The following DAB1 variants were observed in gnomAD, a reference collection of about 807,000 sequenced individuals.
DAB1 encodes the protein DAB adaptor protein 1, also known as disabled homolog 1.
In DAB1, 15 loss-of-function variants were observed where a neutral mutation model predicts 64.6. The observed-to-expected ratio is 0.23, with a 90% CI of 0.16 to 0.36. DAB1 has a LOEUF of 0.36. Among genes scored for constraint, DAB1 ranks in the 10% least tolerant of loss-of-function variants. The pLI is 1.00. For synonymous variants in DAB1, 235 were observed against 251.9 expected (o/e 0.93, Z 0.64); for missense variants, 596 against 706.7 (o/e 0.84, Z 1.78).
At chr1:58,401,428 C>A (rs556571519) in intron 3 of DAB1, among the ~76,000 whole-genome samples, 90 of 152,270 alleles carry the variant, frequency 5.9e-4, no homozygotes, top group Non-Finnish European at 1.0e-3. Flanking sequence ...ATCTTTAAGA[C>A]CCACCCATCA....
rs1428167319 is a variant in DAB1 at position 58,339,421 on chromosome 1, CA to C, written n.309+3930del. Reference sequence around the variant, plus strand: ...GGCAGGGGGAAATGGAAGAAGCAACCAAAAATATAATAAATATTTTTCATAT... The same window carrying C: ...GGCAGGGGGAAATGGAAGAAGCAACCAAAATATAATAAATATTTTTCATAT... On this transcript the variant is annotated intron_variant and non_coding_transcript_variant, in intron 4 of 20. Transcript: ENST00000485760. 2.6e-5 allele frequency among the ~76,000 whole-genome samples: 4 copies of C among 151,930 alleles called. No individual in the cohort carries two copies. In the East Asian group the frequency reaches 7.7e-4, roughly 29 times the overall value.
At chr1:57,055,233 G>A (rs1176633982) in intron 9 of DAB1, among the ~76,000 whole-genome samples, 1 of 152,222 alleles carries the variant, frequency 6.6e-6, no homozygotes, top group East Asian at 1.9e-4. Context: ...TATATTTCTA[G>A]GAGTGGGTAG....
intron 3 of DAB1, among the ~76,000 whole-genome samples, chr1:58,398,649 A>G (rs368793766): frequency 3.7e-4 from 56 of 152,344 alleles, no homozygotes; most frequent in African/African-American, 1.2e-3. Context: ...GGTAACTGCA[A>G]TTTTGCAGGA....
intron 5 of DAB1, among the ~76,000 whole-genome samples, chr1:57,960,744 C>G (rs1645500053): frequency 6.6e-6 from 1 of 152,238 alleles, no homozygotes; most frequent in Non-Finnish European, 1.5e-5. Flanking sequence ...CTCTGCCTCT[C>G]AGTATGTGGA....
chr1:57,527,030 G>A (rs1006792166), intron 7 of DAB1, among the ~76,000 whole-genome samples: 2 of 152,046 alleles, frequency 1.3e-5, no homozygotes, highest in African/African-American at 4.8e-5. Context: ...AATTTTCTGG[G>A]TAAGAAATGA....
At chr1:57,073,513 C>G (rs1330756179) in intron 4 of DAB1, among the ~76,000 whole-genome samples, 1 of 152,108 alleles carries the variant, frequency 6.6e-6, no homozygotes, top group Non-Finnish European at 1.5e-5. Context: ...TGAAACAATC[C>G]TCATTCAACA....
At chr1:57,086,644 A>AACACACAC (rs368060919) in intron 4 of DAB1, among the ~76,000 whole-genome samples, 4,010 of 118,530 alleles carry the variant, frequency 0.034, 113 homozygotes, top group African/African-American at 0.05. Context: ...TTCTGTCTTA[A>AACACACAC]ACACACACAC....
chr1:57,000,238 G>T lies in DAB1; in HGVS notation c.*16-2110C>A, dbSNP rs1200152063. Among the ~76,000 whole-genome samples, 5 of 152,038 alleles carry T rather than the reference G, an allele frequency of 3.3e-5. No homozygotes were observed. The East Asian group carries it at 7.8e-4, about 24-fold the overall frequency. Reference sequence around the variant, plus strand: ...TTTTATATTTTTTAGTACAGACAGGGTTTCACTGTGTCAGCCAGGATGGTC... The same window carrying T: ...TTTTATATTTTTTAGTACAGACAGGTTTTCACTGTGTCAGCCAGGATGGTC... On this transcript the variant is annotated intron_variant, in intron 14 of 14. Transcript: ENST00000371236.
intron 1 of DAB1, among the ~76,000 whole-genome samples, chr1:57,312,818 T>C (rs1674839758): frequency 6.6e-6 from 1 of 152,110 alleles, no homozygotes. Context: ...GTGTGCAAAC[T>C]CCAGCACTAT....
chr1:58,347,668 T>C (rs1644014645), intron 3 of DAB1, among the ~76,000 whole-genome samples: 1 of 152,222 alleles, frequency 6.6e-6, no homozygotes, highest in Non-Finnish European at 1.5e-5. Flanking sequence ...TGCACTTCCC[T>C]GATTTACTCT....
At chr1:58,078,498 T>A (rs753458563) in intron 5 of DAB1, among the ~76,000 whole-genome samples, 2 of 152,074 alleles carry the variant, frequency 1.3e-5, no homozygotes, top group Non-Finnish European at 2.9e-5. Context: ...AGTTAAAGAG[T>A]TTTTTTACCT....
At chr1:57,158,275 T>C (rs1037817329) in intron 2 of DAB1, among the ~76,000 whole-genome samples, 2 of 152,158 alleles carry the variant, frequency 1.3e-5, no homozygotes, top group African/African-American at 2.4e-5. Flanking sequence ...AGCAAAGTTG[T>C]AGTGCATTGG....
At chr1:57,241,584 T>G (rs1474709165) in intron 2 of DAB1, among the ~76,000 whole-genome samples, 2 of 152,200 alleles carry the variant, frequency 1.3e-5, no homozygotes, top group Non-Finnish European at 2.9e-5. Flanking sequence ...CACTCTTCAG[T>G]GCATTTGGTC....
At chr1:57,561,444 G>A (rs1293032224) in intron 7 of DAB1, among the ~76,000 whole-genome samples, 1 of 152,212 alleles carries the variant, frequency 6.6e-6, no homozygotes, top group Non-Finnish European at 1.5e-5. Flanking sequence ...TGGCTGGATG[G>A]TCAGGGACTT....
intron 1 of DAB1, among the ~76,000 whole-genome samples, chr1:57,843,765 G>C (rs1403060722): frequency 6.6e-6 from 1 of 152,124 alleles, no homozygotes; most frequent in African/African-American, 2.4e-5. Flanking sequence ...GTACCTTCAG[G>C]CTCTTTTCCT....
intron 4 of DAB1, among the ~76,000 whole-genome samples, chr1:58,256,969 A>AT (rs375120811): frequency 1.4e-3 from 213 of 152,300 alleles, no homozygotes; most frequent in Middle Eastern, 6.8e-3. Context: ...ATAATTTGAA[A>AT]TTTTTATTGT....
intron 7 of DAB1, among the ~76,000 whole-genome samples, chr1:57,466,761 G>C (rs977959280): frequency 2.6e-5 from 4 of 152,146 alleles, no homozygotes; most frequent in Admixed American, 1.3e-4. Context: ...AGTTGTAGGA[G>C]TGAGGTCCTG....
At chr1:57,900,135 A>G (rs1644452497) in intron 5 of DAB1, among the ~76,000 whole-genome samples, 1 of 152,032 alleles carries the variant, frequency 6.6e-6, no homozygotes, top group Non-Finnish European at 1.5e-5. Context: ...GTGGTTTTAT[A>G]AAAAGGGATG....
At chr1:58,281,776 A>G in intron 4 of DAB1, among the ~76,000 whole-genome samples, 1 of 152,200 alleles carries the variant, frequency 6.6e-6, no homozygotes, top group South Asian at 2.1e-4. Flanking sequence ...TTTGTGTAAT[A>G]AAATGAATCT....
Sources: gnomAD v4.1 joint callset for allele counts (sites outside exome capture counted in the v4.1 genomes callset) on GRCh38, gnomAD v4.1.1 for gene constraint, MANE v1.5 for transcripts, NCBI Gene and HGNC (gene_info 2026-07-23, HGNC 2026-07-21) for gene names.